The following MAGOHB variants were observed in gnomAD, a reference collection of about 807,000 sequenced individuals.
The protein encoded by MAGOHB is protein mago nashi homolog 2.
In MAGOHB, 15 loss-of-function variants were observed where a neutral mutation model predicts 20.9. The ratio of observed to expected loss-of-function variants is 0.72; its 90% CI spans 0.48 to 1.11. The LOEUF (loss-of-function observed/expected upper bound fraction) is 1.11, where lower values mean the gene tolerates loss of function less well. Among genes scored for constraint, MAGOHB ranks in the 50% least tolerant of loss-of-function variants. MAGOHB has a pLI of 0.00. For missense variants in MAGOHB, 162 were observed against 177.6 expected, an observed-to-expected ratio of 0.91 and a Z score of 0.50; for synonymous variants, 50 against 57.9, an observed-to-expected ratio of 0.86 and a Z score of 0.62.
intron 3 of MAGOHB, 85 bp from the exon 4 acceptor site, chr12:10,608,021 T>G: frequency 1.3e-6 from 1 of 790,440 alleles, no homozygotes; most frequent in Non-Finnish European, 2.0e-6. Context: ...GATCCCAATT[T>G]TAGTTGCAAG....
In MAGOHB at chr12:10,613,607, A is replaced by C. The variant is rs1450974220; in HGVS notation, c.-75T>G. 2.1e-6 allele frequency: 2 copies of C among 944,100 alleles called. No individual in the cohort carries two copies. The highest frequency in any genetic ancestry group is 4.8e-5 in the East Asian group (2 of 41,866). The allele number at this position is 944,100 out of a possible 1,614,324, so 58.5% of individuals were successfully genotyped here. A position where few individuals can be genotyped will look rare whatever the true frequency, so the allele number is the denominator to read the frequency against. On this transcript the variant is annotated 5_prime_UTR_variant, in exon 1 of 5. The change creates a new upstream start codon in the 5' untranslated region. Coordinates refer to ENST00000320756, the MANE Select transcript of MAGOHB (RefSeq NM_018048.5). The stretch of plus-strand genomic sequence containing the variant: ...GCCTTGCAGTGACGTCATCGCGCGG[A>C]ATAAGTGCGTCACCACAGGCGCTTC...
intron 1 of MAGOHB, among the ~76,000 whole-genome samples, chr12:10,612,064 T>A (rs936572655): frequency 1.3e-5 from 2 of 152,082 alleles, no homozygotes; most frequent in African/African-American, 4.8e-5. Flanking sequence ...TCTAAATAAT[T>A]GCAGGGCTGG....
chr12:10,607,647 A>G (rs1865653064), intron 4 of MAGOHB, among the ~76,000 whole-genome samples: 1 of 152,168 alleles, frequency 6.6e-6, no homozygotes, highest in East Asian at 1.9e-4. Flanking sequence ...GTTGGATTAA[A>G]AGTTTTTGGA....
chr12:10,611,991 T>C (rs1865752121), intron 1 of MAGOHB, among the ~76,000 whole-genome samples: 1 of 152,058 alleles, frequency 6.6e-6, no homozygotes, highest in South Asian at 2.1e-4. Context: ...AAAGAATAGA[T>C]GAATTCAGGT....
rs543165834 is a variant in MAGOHB, at chr12:10,604,431, A to T, written c.*1844T>A. ...GTTTAAATATGAGAAATTCTAGTAG[A>T]TAGTGGGGATAGAGCTAAATAAACG... is the stretch of plus-strand genomic sequence containing the variant. On this transcript the variant is annotated 3_prime_UTR_variant, in exon 5 of 5. Coordinates refer to ENST00000320756, the MANE Select transcript of MAGOHB (RefSeq NM_018048.5). 4 of 152,338 alleles carry T rather than the reference A, an allele frequency of 2.6e-5. No homozygotes were observed. The highest frequency in any genetic ancestry group is 9.6e-5 in the African/African-American group (4 of 41,582). The allele number at this position is 152,338 out of a possible 1,614,324, so 9.4% of individuals were successfully genotyped here.
At chr12:10,612,010 C>A (rs976823471) in intron 1 of MAGOHB, among the ~76,000 whole-genome samples, 1 of 151,956 alleles carries the variant, frequency 6.6e-6, no homozygotes, top group Non-Finnish European at 1.5e-5. Flanking sequence ...GTAAATTTAG[C>A]TGAATTTATG....
intron 3 of MAGOHB, chr12:10,608,190 T>G (rs1865663508): frequency 3.5e-6 from 1 of 282,312 alleles, no homozygotes; most frequent in Non-Finnish European, 6.5e-6. Flanking sequence ...GAAGACACTA[T>G]GAAACAAAAT....
downstream of MAGOHB, among the ~76,000 whole-genome samples, chr12:10,603,624 T>G (rs1024972226): frequency 2.0e-5 from 3 of 152,146 alleles, no homozygotes; most frequent in Admixed American, 2.0e-4. Flanking sequence ...CTTCTGATTC[T>G]TAAATTAGTA....
At chr12:10,608,066 G>A (rs1424749390) in intron 3 of MAGOHB, 130 bp from the exon 4 acceptor site, 3 of 574,124 alleles carry the variant, frequency 5.2e-6, no homozygotes, top group South Asian at 4.5e-5. Context: ...TGGGGGGCGA[G>A]GGGGAAAGAA....
chr12:10,601,804 C>T (rs372724834), downstream of MAGOHB, among the ~76,000 whole-genome samples: 7 of 152,342 alleles, frequency 4.6e-5, no homozygotes, highest in South Asian at 2.1e-4. Flanking sequence ...AAGTATCACA[C>T]GCTTCATAGG....
intron 1 of MAGOHB, chr12:10,612,869 G>A (rs990317002): frequency 2.3e-6 from 3 of 1,289,096 alleles, no homozygotes; most frequent in Middle Eastern, 4.3e-4. Flanking sequence ...CAAAGGCCAA[G>A]TCTCTCATTT....
In MAGOHB at chr12:10,610,811, A is replaced by C. The variant is rs1012208900; in HGVS notation, c.95-131T>G. On this transcript the variant is annotated intron_variant, in intron 1 of 4. Transcript: ENST00000320756. ...TTAATATTTCCTCCCTCCTTGTGTA[A>C]GATCATTGCTAGACATGTAGACAAT... 5 of 847,708 alleles carry C rather than the reference A, an allele frequency of 5.9e-6. No individual in the cohort carries two copies. The Admixed American group carries it at 1.6e-4, about 27-fold the overall frequency. 52.5% of individuals were successfully genotyped at this position (847,708 alleles called of 1,614,324 possible).
chr12:10,610,140 T>C (rs971952810), intron 2 of MAGOHB, among the ~76,000 whole-genome samples, 199 bp from the exon 3 acceptor site: 1 of 152,240 alleles, frequency 6.6e-6, no homozygotes, highest in Admixed American at 6.5e-5. Context: ...TTCACATACA[T>C]TTTTTCCCTC....
chr12:10,609,845 T>A lies in MAGOHB; in HGVS notation c.250A>T (p.Arg84Trp). 1 of 1,608,200 alleles carries A rather than the reference T, an allele frequency of 6.2e-7. No individual in the cohort carries two copies. The highest frequency in any genetic ancestry group is 8.5e-7 in the Non-Finnish European group (1 of 1,175,310). ...EDDALWPPPD[R>W]VGRQELEIVI... ...TAAATACAAACCTGTCGGCCAACCC[T>A]ATCAGGGGGAGGCCACAAAGCATCA... The change falls in exon 3 of 5, where the codon AGG becomes TGG. Residue 84 changes from arginine to tryptophan, a missense_variant. Arg to Trp is a moderately radical substitution (Grantham distance 101). Coordinates refer to ENST00000320756, the MANE Select transcript of MAGOHB (RefSeq NM_018048.5).
chr12:10,612,190 A>AATAAC (rs3059682), intron 1 of MAGOHB, among the ~76,000 whole-genome samples: 19,762 of 141,320 alleles, frequency 0.14, 1,550 homozygotes, highest in East Asian at 0.19. Context: ...CTCTACAAAA[A>AATAAC]ATAACATAAC....
intron 4 of MAGOHB, among the ~76,000 whole-genome samples, chr12:10,606,575 T>C (rs1022032008): frequency 6.6e-6 from 1 of 152,090 alleles, no homozygotes; most frequent in African/African-American, 2.4e-5. Context: ...TCAGTATTCA[T>C]TTTAGTATTT....
downstream of MAGOHB, among the ~76,000 whole-genome samples, chr12:10,600,949 T>C (rs1198442068): frequency 6.6e-6 from 1 of 152,170 alleles, no homozygotes; most frequent in Admixed American, 6.5e-5. Context: ...ATGAAACATC[T>C]CCCAGAGGCT....
At chr12:10,606,409 C>A (rs1257325699) in intron 4 of MAGOHB, 35 bp from the exon 5 acceptor site, 2 of 1,179,938 alleles carry the variant, frequency 1.7e-6, no homozygotes, top group Non-Finnish European at 2.4e-6. Flanking sequence ...ACTTTTTCTT[C>A]CTAGGATAAA....
At chr12:10,601,073 C>G (rs111534209), downstream of MAGOHB, among the ~76,000 whole-genome samples, 2 of 152,032 alleles carry the variant, frequency 1.3e-5, no homozygotes, top group Non-Finnish European at 2.9e-5. Context: ...TTCGTCAATC[C>G]CAAATCAGAG....
Sources: allele counts gnomAD v4.1 joint callset (sites outside exome capture counted in the v4.1 genomes callset), GRCh38; gene constraint gnomAD v4.1.1; transcripts MANE v1.5; gene names NCBI Gene and HGNC (gene_info 2026-07-23, HGNC 2026-07-21).